Variants in FRAS1 observed in about 807,000 individuals in gnomAD.
The protein encoded by FRAS1 is Fraser extracellular matrix complex subunit 1.
Under a neutral mutation model 435.2 loss-of-function variants are expected in FRAS1, and 290 were observed. The observed-to-expected ratio is 0.67, with a 90% CI of 0.61 to 0.73. The LOEUF (loss-of-function observed/expected upper bound fraction) is 0.73. Among genes scored for constraint, FRAS1 ranks in the 30% least tolerant of loss-of-function variants. The pLI is 0.00. For missense variants in FRAS1, 4,860 were observed against 5,001.5 expected (o/e 0.97, Z 0.85); for synonymous variants, 1,800 against 1,851.0 (o/e 0.97, Z 0.71).
Position 78,539,351 on chromosome 4 carries a change from C to T in FRAS1, c.11356C>T (p.His3786Tyr). Residue 3786 changes from histidine to tyrosine, a missense_variant, in exon 73 of 74, where the codon CAC becomes TAC. His to Tyr is a moderately conservative substitution (Grantham distance 83). Transcript: ENST00000512123. ...KYFHDVPFEAHFASELPDFHV... is the reference protein window; with the variant it reads ...KYFHDVPFEAYFASELPDFHV... The stretch of plus-strand genomic sequence containing the variant: ...CTTCCATGATGTGCCTTTTGAGGCT[C>T]ACTTTGCCTCTGAGTTGCCTGATTT... 1 of 1,613,084 alleles carries T rather than the reference C, an allele frequency of 6.2e-7. No homozygotes were observed. The highest frequency in any genetic ancestry group is 8.5e-7 in the Non-Finnish European group (1 of 1,179,456).
intron 59 of FRAS1, among the ~76,000 whole-genome samples, chr4:78,490,620 A>G (rs1720319504): frequency 6.6e-6 from 1 of 152,236 alleles, no homozygotes; most frequent in Non-Finnish European, 1.5e-5. Context: ...GAACAAACAC[A>G]ACATACCAGA....
Position 78,513,449 on chromosome 4 carries a change from C to A in FRAS1, c.10071C>A (p.Thr3357=). ...ATGGAATGCTGCCCCTTATCTCCAC[C>A]ATGCCGTTGCACAACTTACATTTTC... is the stretch of plus-strand genomic sequence containing the variant. ...HQDGMLPLIS[T]MPLHNLHFLL... Residue 3357 remains threonine (T), a synonymous_variant, in exon 65 of 74, where the codon ACC becomes ACA. Coordinates refer to ENST00000512123, the MANE Select transcript of FRAS1 (RefSeq NM_025074.7). The A allele has an allele frequency of 6.2e-7, 1 of 1,613,934 alleles. No individual in the cohort carries two copies. The highest frequency in any genetic ancestry group is 1.1e-5 in the South Asian group (1 of 91,086).
At chr4:78,413,919 C>T (rs1050707917) in intron 32 of FRAS1, among the ~76,000 whole-genome samples, 3 of 152,166 alleles carry the variant, frequency 2.0e-5, no homozygotes, top group Non-Finnish European at 2.9e-5. Flanking sequence ...AATGCCAAAA[C>T]CCCTCTTCCA....
At chr4:78,444,047 G>C in intron 41 of FRAS1, 1 of 379,898 alleles carries the variant, frequency 2.6e-6, no homozygotes, top group South Asian at 1.9e-5. Flanking sequence ...TAGAGACAGG[G>C]TCTCACTAAG....
chr4:78,100,681 T>G (rs931656880), intron 2 of FRAS1, among the ~76,000 whole-genome samples: 13 of 152,258 alleles, frequency 8.5e-5, no homozygotes, highest in African/African-American at 3.1e-4. Context: ...CAAGGCACTC[T>G]GTGCTTTTTT....
chr4:78,179,537 C>G (rs1230927218), intron 2 of FRAS1, among the ~76,000 whole-genome samples: 8 of 152,202 alleles, frequency 5.3e-5, no homozygotes, highest in Non-Finnish European at 1.2e-4. Context: ...TCCTTCCCTG[C>G]TCCAGAAAAT....
chr4:78,125,200 A>T (rs1291825272), intron 2 of FRAS1, among the ~76,000 whole-genome samples: 1 of 152,102 alleles, frequency 6.6e-6, no homozygotes, highest in Non-Finnish European at 1.5e-5. Flanking sequence ...CTTTGTTCTC[A>T]TTGGTTTCAA....
intron 38 of FRAS1, among the ~76,000 whole-genome samples, chr4:78,436,983 A>G (rs1734455690): frequency 6.6e-6 from 1 of 152,192 alleles, no homozygotes; most frequent in South Asian, 2.1e-4. Flanking sequence ...AGGGATAAGA[A>G]GATCTTTGAG....
At chr4:78,516,080 G>C in intron 66 of FRAS1, 67 bp downstream of exon 66, 4 of 1,283,544 alleles carry the variant, frequency 3.1e-6, no homozygotes, top group Non-Finnish European at 4.3e-6. Flanking sequence ...GTTTGTTCCT[G>C]AAGCACTTCA....
chr4:78,389,008 C>A (rs915019033), intron 29 of FRAS1, among the ~76,000 whole-genome samples: 4 of 151,794 alleles, frequency 2.6e-5, no homozygotes, highest in Non-Finnish European at 5.9e-5. Flanking sequence ...TACTTTTTTT[C>A]TAAAATATGA....
chr4:78,124,690 G>A (rs1189585137), intron 2 of FRAS1, among the ~76,000 whole-genome samples: 1 of 152,004 alleles, frequency 6.6e-6, no homozygotes, highest in Non-Finnish European at 1.5e-5. Context: ...ACTTCTTCCT[G>A]GTTTAGTCTT....
At chr4:78,431,647 A>G (rs1044052173) in intron 37 of FRAS1, among the ~76,000 whole-genome samples, 2 of 152,196 alleles carry the variant, frequency 1.3e-5, no homozygotes, top group Non-Finnish European at 2.9e-5. Context: ...CATGGCACTA[A>G]GAGGCATTTC....
At chr4:78,298,003 C>CCCCTCT (rs1553940524) in intron 14 of FRAS1, among the ~76,000 whole-genome samples, 1 of 119,272 alleles carries the variant, frequency 8.4e-6, no homozygotes, top group African/African-American at 3.3e-5. Flanking sequence ...TTAATTTGTT[C>CCCCTCT]CTCTCTCTCT....
At chr4:78,163,564 G>A (rs1477363885) in intron 2 of FRAS1, among the ~76,000 whole-genome samples, 2 of 152,138 alleles carry the variant, frequency 1.3e-5, no homozygotes, top group Non-Finnish European at 2.9e-5. Context: ...TTTGGGACTC[G>A]GAATGCCATC....
At chr4:78,453,879 C>T (rs549327366) in intron 47 of FRAS1, among the ~76,000 whole-genome samples, 1 of 152,214 alleles carries the variant, frequency 6.6e-6, no homozygotes, top group African/African-American at 2.4e-5. Context: ...AGTTTTAGAG[C>T]TTCGTGGATT....
At chr4:78,117,499 A>C (rs539946915) in intron 2 of FRAS1, among the ~76,000 whole-genome samples, 8 of 152,206 alleles carry the variant, frequency 5.3e-5, no homozygotes, top group Non-Finnish European at 1.0e-4. Flanking sequence ...TTTTTCACAT[A>C]GTCCCTTATT....
intron 28 of FRAS1, among the ~76,000 whole-genome samples, chr4:78,386,714 G>A (rs558092433): frequency 4.1e-4 from 62 of 152,118 alleles, no homozygotes; most frequent in African/African-American, 1.4e-3. Context: ...TTATCTTTAT[G>A]AAATAACATT....
chr4:78,485,568 C>CTTACT (rs1720144272), intron 58 of FRAS1, among the ~76,000 whole-genome samples: 1 of 152,144 alleles, frequency 6.6e-6, no homozygotes, highest in Admixed American at 6.5e-5. Context: ...GCATTCAGTA[C>CTTACT]TTACTTCTTC....
At chr4:78,253,997 T>TTGTCTTTATTTATTA (rs5859610) in intron 5 of FRAS1, among the ~76,000 whole-genome samples, 100,465 of 151,180 alleles carry the variant, frequency 0.66, 33,450 homozygotes, top group African/African-American at 0.72. Context: ...CTTTACTTAT[T>TTGTCTTTATTTATTA]TGTCTTTATT....
Sources: allele counts gnomAD v4.1 joint callset (sites outside exome capture counted in the v4.1 genomes callset), GRCh38; gene constraint gnomAD v4.1.1; transcripts MANE v1.5; gene names NCBI Gene and HGNC (gene_info 2026-07-23, HGNC 2026-07-21).